NHSL1: variants seen among roughly 807,000 people sequenced by gnomAD.
The protein encoded by NHSL1 is NHS-like protein 1.
A neutral mutation model predicts 95.0 loss-of-function variants in NHSL1; 48 were observed. The ratio of observed to expected loss-of-function variants is 0.51; its 90% confidence interval spans 0.40 to 0.64. The LOEUF (loss-of-function observed/expected upper bound fraction) is 0.64. Ranked by LOEUF, NHSL1 falls within the 30% of genes least tolerant of loss-of-function variation. The pLI is 0.00. For synonymous variants in NHSL1, 783 were observed against 833.9 expected (o/e 0.94, Z 1.05); for missense variants, 1,971 against 2,077.7 (o/e 0.95, Z 1.00).
intron 1 of NHSL1, among the ~76,000 whole-genome samples, chr6:138,538,994 A>G (rs751426512): frequency 5.9e-5 from 9 of 152,184 alleles, no homozygotes; most frequent in Non-Finnish European, 1.3e-4. Flanking sequence ...TTTTGTTTCA[A>G]TGGATCTCAG....
intron 1 of NHSL1, among the ~76,000 whole-genome samples, chr6:138,615,938 C>T (rs919545717): frequency 6.6e-6 from 1 of 152,172 alleles, no homozygotes; most frequent in Admixed American, 6.5e-5. Flanking sequence ...GTCTGTAGTC[C>T]CAGCATTTAG....
intron 1 of NHSL1, among the ~76,000 whole-genome samples, chr6:138,523,795 A>G (rs1297838255): frequency 6.6e-6 from 1 of 152,218 alleles, no homozygotes; most frequent in African/African-American, 2.4e-5. Flanking sequence ...TTGAATGGGA[A>G]AGCCCAAATC....
chr6:138,511,578 C>T (rs13215549), intron 1 of NHSL1, among the ~76,000 whole-genome samples: 3 of 152,102 alleles, frequency 2.0e-5, no homozygotes, highest in African/African-American at 4.8e-5. Context: ...TGAGCCACCA[C>T]GCCCAGCCAC....
chr6:138,605,848 T>A (rs1285467403), intron 1 of NHSL1, among the ~76,000 whole-genome samples: 1 of 152,222 alleles, frequency 6.6e-6, no homozygotes, highest in Non-Finnish European at 1.5e-5. Context: ...TGAATAGCTA[T>A]CAAGCAAGGC....
At chr6:138,496,432 A>G (rs1389147416) in intron 1 of NHSL1, 61 bp from the exon 2 acceptor site, 4 of 1,503,318 alleles carry the variant, frequency 2.7e-6, no homozygotes, top group African/African-American at 2.8e-5. Context: ...AGTTCATTAC[A>G]TCATGATGTG....
chr6:138,603,475 T>C (rs550999886), intron 1 of NHSL1, among the ~76,000 whole-genome samples: 74 of 152,266 alleles, frequency 4.9e-4, no homozygotes, highest in Middle Eastern at 6.8e-3. Flanking sequence ...TACCTGTAAA[T>C]AGTGTTTTGA....
chr6:138,489,734 C>T (rs1248858656), intron 2 of NHSL1, among the ~76,000 whole-genome samples: 2 of 140,692 alleles, frequency 1.4e-5, no homozygotes, highest in African/African-American at 5.4e-5. Flanking sequence ...TGCACTCTAG[C>T]CTGGGCAACA....
chr6:138,691,422 G>A (rs1392959495), intron 1 of NHSL1, among the ~76,000 whole-genome samples: 1 of 152,146 alleles, frequency 6.6e-6, no homozygotes, highest in Admixed American at 6.5e-5. Context: ...TGAACTCTTA[G>A]GCTGTAAGGT....
At chr6:138,435,402 G>A (rs1776008238) in intron 5 of NHSL1, 1 of 151,880 alleles carries the variant, frequency 6.6e-6, no homozygotes, top group Non-Finnish European at 1.5e-5. Flanking sequence ...GATACTTTTG[G>A]GTAGCAGTTT....
rs1202082058 is a variant in NHSL1, at chr6:138,489,853, GGAGA to G, written c.211+6362_211+6365del. Among the ~76,000 whole-genome samples, 147 of 36,970 alleles carry G rather than the reference GGAGA, an allele frequency of 4.0e-3. 3 individuals are homozygous for G. Among genetic ancestry groups the G allele is most frequent in the African/African-American group, 0.015 (111 of 7,346 alleles). 24.3% of individuals were successfully genotyped at this position (36,970 alleles called of 152,430 possible). ...GAGAGAGAGAGAGAGAGGGAGAGAGGGAGAGAGAGAGAGAGAGAGGGAGAGAGGG... is the reference window on the plus strand; with the variant it reads ...GAGAGAGAGAGAGAGAGGGAGAGAGGGAGAGAGAGAGAGAGGGAGAGAGGG... On this transcript the variant is annotated intron_variant, in intron 2 of 7. Coordinates refer to ENST00000343505, the MANE Select transcript of NHSL1 (RefSeq NM_001144060.2).
At chr6:138,613,030 C>T (rs1784534606) in intron 1 of NHSL1, among the ~76,000 whole-genome samples, 1 of 152,148 alleles carries the variant, frequency 6.6e-6, no homozygotes, top group Admixed American at 6.6e-5. Flanking sequence ...AAAAAGATTT[C>T]AAGCAAACCC....
At chr6:138,501,662 G>A (rs1393467929), upstream of NHSL1, among the ~76,000 whole-genome samples, 1 of 152,190 alleles carries the variant, frequency 6.6e-6, no homozygotes, top group African/African-American at 2.4e-5. Context: ...ATGAACTGTA[G>A]GAAGAATCTT....
intron 1 of NHSL1, among the ~76,000 whole-genome samples, chr6:138,532,663 T>C (rs1782184130): frequency 6.6e-6 from 1 of 152,160 alleles, no homozygotes; most frequent in Non-Finnish European, 1.5e-5. Flanking sequence ...CTTCTATTTA[T>C]TAGATGGCAA....
chr6:138,496,442 G>A (rs1583303823), intron 1 of NHSL1, 71 bp from the exon 2 acceptor site: 1 of 1,460,436 alleles, frequency 6.8e-7, no homozygotes, highest in Non-Finnish European at 9.4e-7. Flanking sequence ...ATCATGATGT[G>A]TTTCCATGTC....
chr6:138,571,689 A>G (rs1783844567), intron 1 of NHSL1: 4 of 1,548,388 alleles, frequency 2.6e-6, no homozygotes, highest in Non-Finnish European at 3.5e-6. Flanking sequence ...AAATGTTTAA[A>G]TTTTTTAAAA....
chr6:138,625,065 G>T (rs181016869), intron 1 of NHSL1, among the ~76,000 whole-genome samples: 1 of 152,070 alleles, frequency 6.6e-6, no homozygotes, highest in East Asian at 1.9e-4. Context: ...TGTTAATACG[G>T]TGGATATTAA....
At chr6:138,606,358 T>C (rs1282411837) in intron 1 of NHSL1, among the ~76,000 whole-genome samples, 2 of 152,240 alleles carry the variant, frequency 1.3e-5, no homozygotes, top group East Asian at 1.9e-4. Context: ...AATAACAAAA[T>C]GATACTAAGC....
At position 138,431,475 on chromosome 6, in the gene NHSL1, G is replaced by A. The variant is rs910561232; in HGVS notation, c.2870C>T (p.Thr957Ile). ...SPFLPPPPPV[T>I]DCSQGSPLPH... ...CAGAGGAGAGCCCTGGGAGCAATCT[G>A]TGACAGGAGGTGGGGGAGGAAGGAA... is the stretch of plus-strand genomic sequence containing the variant. The change falls in exon 6 of 8, where the codon ACA becomes ATA. Residue 957 changes from threonine to isoleucine, a missense_variant. Thr to Ile is a moderately conservative substitution (Grantham distance 89, BLOSUM62 -1). Around this residue, in one of 3 missense-constraint regions of NHSL1, gnomAD observed 1,602 missense variants for 1,654.5 expected, o/e 0.97. Transcript: ENST00000343505. This position sits in a 1 kb window ranked among gnomAD's most constrained non-coding sequence, Gnocchi z 4.0. 2 of 1,551,114 alleles carry A rather than the reference G, an allele frequency of 1.3e-6. No individual in the cohort carries two copies. The highest frequency in any genetic ancestry group is 2.7e-5 in the African/African-American group (2 of 72,902).
At chr6:138,562,486 C>G (rs1450920460) in intron 1 of NHSL1, among the ~76,000 whole-genome samples, 1 of 152,032 alleles carries the variant, frequency 6.6e-6, no homozygotes, top group Non-Finnish European at 1.5e-5. Context: ...ATCTCTACTA[C>G]AAATACAACA....
Sources: gnomAD v4.1 joint callset for allele counts (sites outside exome capture counted in the v4.1 genomes callset) on GRCh38, gnomAD v4.1.1 for gene constraint, gnomAD v4.1.1 regional missense constraint, Gnocchi (gnomAD v3.1) non-coding constraint, MANE v1.5 for transcripts, NCBI Gene and HGNC (gene_info 2026-07-23, HGNC 2026-07-21) for gene names.